Variants in SLAMF6 observed in about 807,000 individuals in gnomAD.
SLAMF6 encodes SLAM family member 6, also known as NK-T-B-antigen.
Under a neutral mutation model 38.3 loss-of-function variants are expected in SLAMF6, and 21 were observed. The ratio of observed to expected loss-of-function variants is 0.55; its 90% CI spans 0.39 to 0.79. SLAMF6 has a LOEUF of 0.79. Ranked by LOEUF, SLAMF6 falls within the 30% of genes least tolerant of loss-of-function variation. The pLI, the probability that SLAMF6 is intolerant of heterozygous loss-of-function variation, is 0.00. For missense variants in SLAMF6, 341 were observed against 385.3 expected (o/e 0.89, Z 0.96); for synonymous variants, 152 against 146.3 (o/e 1.04, Z -0.28).
At chr1:160,499,233 C>T (rs1156900291) in intron 1 of SLAMF6, among the ~76,000 whole-genome samples, 1 of 151,954 alleles carries the variant, frequency 6.6e-6, no homozygotes, top group Non-Finnish European at 1.5e-5. Flanking sequence ...AGTTAATTTT[C>T]GTATATGGTT....
At chr1:160,518,401 A>G (rs953981934) in intron 1 of SLAMF6, among the ~76,000 whole-genome samples, 1 of 152,230 alleles carries the variant, frequency 6.6e-6, no homozygotes, top group African/African-American at 2.4e-5. Flanking sequence ...CAATCCCATT[A>G]CTGGGTATAT....
At chr1:160,496,639 C>T (rs1653597991) in intron 1 of SLAMF6, among the ~76,000 whole-genome samples, 1 of 152,136 alleles carries the variant, frequency 6.6e-6, no homozygotes, top group Non-Finnish European at 1.5e-5. Context: ...CCGGCCCAGT[C>T]CACGCTGGGT....
At position 160,515,517 on chromosome 1, in the gene SLAMF6, A is replaced by G. The variant is rs148796952; in HGVS notation, c.49+7627T>C. On this transcript the variant is annotated intron_variant, in intron 1 of 7. Transcript: ENST00000368057. ...CCCTAATTCATTTTATGAGGCCAGT[A>G]TCATCCTGATACCAAAACCTGGCAG... Among the ~76,000 whole-genome samples the G allele has an allele frequency of 2.6e-4, 39 of 152,326 alleles. No homozygotes were observed. The East Asian group carries it at 4.8e-3, about 19-fold the overall frequency.
rs141120778 is a variant in SLAMF6 at position 160,519,788 on chromosome 1, G to C, written c.49+3356C>G. 4.8e-3 allele frequency among the ~76,000 whole-genome samples: 731 copies of C among 151,578 alleles called. 9 individuals carry two copies. The highest frequency in any genetic ancestry group is 0.016 in the African/African-American group (680 of 41,334). On this transcript the variant is annotated intron_variant, in intron 1 of 7. Transcript: ENST00000368057. ...AGCAGATCGGTATTTGCCAGGGGCTGGGGGGGAGGGGAGAATGGGAAATGA... is the reference window on the plus strand; with the variant it reads ...AGCAGATCGGTATTTGCCAGGGGCTCGGGGGGAGGGGAGAATGGGAAATGA...
At chr1:160,487,836 A>G (rs911208378) in intron 6 of SLAMF6, among the ~76,000 whole-genome samples, 1 of 152,144 alleles carries the variant, frequency 6.6e-6, no homozygotes, top group Non-Finnish European at 1.5e-5. Flanking sequence ...ATGCCTGTAA[A>G]CCCAACACTT....
At chr1:160,520,180 C>T (rs1654922016) in intron 1 of SLAMF6, among the ~76,000 whole-genome samples, 1 of 152,082 alleles carries the variant, frequency 6.6e-6, no homozygotes, top group East Asian at 1.9e-4. Context: ...GCTCGGGGGC[C>T]ATCAGGTCAC....
At chr1:160,496,455 A>G (rs1015872981) in intron 1 of SLAMF6, 62 bp from the exon 2 acceptor site, 2 of 1,518,198 alleles carry the variant, frequency 1.3e-6, no homozygotes, top group African/African-American at 2.8e-5. Flanking sequence ...CAAGTCCTGC[A>G]CCCTTTCACC....
At chr1:160,499,367 G>A (rs747488961) in intron 1 of SLAMF6, among the ~76,000 whole-genome samples, 7 of 152,166 alleles carry the variant, frequency 4.6e-5, no homozygotes, top group Non-Finnish European at 1.0e-4. Flanking sequence ...TCAGATGGTT[G>A]TAAGGGTGTG....
rs1653284282 is a variant in SLAMF6 at position 160,491,301 on chromosome 1, T to A, written c.470A>T (p.Asp157Val). Residue 157 changes from aspartate (D) to valine (V), a missense_variant, in exon 3 of 8, where the codon GAT (aspartate) becomes GTT (valine). By Grantham distance (152) the Asp-to-Val change is radical. Coordinates refer to ENST00000368057, the MANE Select transcript of SLAMF6 (RefSeq NM_001184714.2). ...TCTGAATGAGACATTGTCATCTGCA[T>A]CCTCCACAGAGCAAGTCAGATGGAG... The part of the protein sequence containing the change: ...CELHLTCSVE[D>V]ADDNVSFRWE... 1.2e-6 allele frequency: 2 copies of A among 1,613,934 alleles called. No individual in the cohort carries two copies. The highest frequency in any genetic ancestry group is 2.7e-5 in the African/African-American group (2 of 74,898).
At chr1:160,517,424 C>G (rs1343618032) in intron 1 of SLAMF6, among the ~76,000 whole-genome samples, 1 of 152,176 alleles carries the variant, frequency 6.6e-6, no homozygotes, top group African/African-American at 2.4e-5. Flanking sequence ...ATTAGTTCAA[C>G]CATTGTGGAA....
rs766691384 is a variant in SLAMF6, at chr1:160,487,105, T to G, written c.950A>C (p.Glu317Ala). ...AACATGGAGCAATCGTGGGCTTACC[T>G]CTTTGGAATGATTAATTGTGGAGTA... ...TIYSTINHSKESKPTFSRATA... is the reference protein window; with the variant it reads ...TIYSTINHSKASKPTFSRATA... Residue 317 changes from glutamate to alanine, a missense_variant and splice_region_variant, in exon 7 of 8, where the codon GAG becomes GCG. Glu to Ala is a moderately radical substitution (Grantham distance 107). Transcript: ENST00000368057. 2 of 1,610,884 alleles carry G rather than the reference T, an allele frequency of 1.2e-6. No homozygotes were observed. The highest frequency in any genetic ancestry group is 2.2e-5 in the South Asian group (2 of 90,962).
At chr1:160,522,420 G>C (rs1655024126) in intron 1 of SLAMF6, among the ~76,000 whole-genome samples, 1 of 152,076 alleles carries the variant, frequency 6.6e-6, no homozygotes, top group Non-Finnish European at 1.5e-5. Flanking sequence ...TGGTCTCCTG[G>C]ACTATCTCTG....
At chr1:160,509,681 A>T (rs747580826) in intron 1 of SLAMF6, among the ~76,000 whole-genome samples, 1 of 152,106 alleles carries the variant, frequency 6.6e-6, no homozygotes, top group East Asian at 1.9e-4. Flanking sequence ...GGAAATTTAC[A>T]CTTTAAAAAA....
chr1:160,497,724 C>A (rs931818796), intron 1 of SLAMF6, among the ~76,000 whole-genome samples: 32 of 152,090 alleles, frequency 2.1e-4, no homozygotes, highest in African/African-American at 7.0e-4. Context: ...TAAGTGAGAG[C>A]ATGTAGTATT....
At chr1:160,493,392 C>G (rs968705746) in intron 2 of SLAMF6, among the ~76,000 whole-genome samples, 2 of 152,206 alleles carry the variant, frequency 1.3e-5, no homozygotes, top group African/African-American at 4.8e-5. Flanking sequence ...CCCTGGCACT[C>G]TTGATGCTTC....
intron 1 of SLAMF6, among the ~76,000 whole-genome samples, chr1:160,506,027 C>T (rs930980705): frequency 6.7e-6 from 1 of 150,030 alleles, no homozygotes; most frequent in Non-Finnish European, 1.5e-5. Flanking sequence ...GGGACACCAT[C>T]AAAAATACCA....
intron 1 of SLAMF6, among the ~76,000 whole-genome samples, chr1:160,521,016 G>A (rs777473088): frequency 7.2e-5 from 11 of 151,988 alleles, no homozygotes; most frequent in Non-Finnish European, 1.3e-4. Flanking sequence ...TCATCACTCC[G>A]TCCAAAGCAG....
At chr1:160,512,954 T>C (rs1571312228) in intron 1 of SLAMF6, among the ~76,000 whole-genome samples, 1 of 152,092 alleles carries the variant, frequency 6.6e-6, no homozygotes, top group South Asian at 2.1e-4. Flanking sequence ...GAGTGTCTCT[T>C]CTCCTCCAAA....
At chr1:160,490,144 A>G (rs776982547) in intron 5 of SLAMF6, 54 bp downstream of exon 5, 9 of 1,589,122 alleles carry the variant, frequency 5.7e-6, no homozygotes, top group Non-Finnish European at 7.8e-6. Flanking sequence ...TCTCTCTTCC[A>G]TTTGGCTCTT....
Sources: allele counts gnomAD v4.1 joint callset (sites outside exome capture counted in the v4.1 genomes callset), GRCh38; gene constraint gnomAD v4.1.1; transcripts MANE v1.5; gene names NCBI Gene and HGNC (gene_info 2026-07-23, HGNC 2026-07-21).